The following SEMA4D variants were observed in gnomAD, a reference collection of about 807,000 sequenced individuals.
SEMA4D encodes semaphorin-4D.
A neutral mutation model predicts 74.8 loss-of-function variants in SEMA4D; 22 were observed. That is an observed-to-expected ratio of 0.29 (90% confidence interval 0.21 to 0.42). The LOEUF (loss-of-function observed/expected upper bound fraction) is 0.42. Among genes scored for constraint, SEMA4D ranks in the 10% least tolerant of loss-of-function variants. The probability of loss-of-function intolerance (pLI) is 1.00; values close to 1 mark genes in which losing one functional copy is unlikely to be tolerated. For missense variants in SEMA4D, 937 were observed against 1,118.4 expected (o/e 0.84, Z 2.31); for synonymous variants, 445 against 463.7 (o/e 0.96, Z 0.52).
chr9:89,379,134 A>G lies in SEMA4D; in HGVS notation c.2159T>C (p.Leu720Pro), dbSNP rs1343570672. The change falls in exon 16 of 16, where the codon CTC (leucine) becomes CCC (proline). Residue 720 changes from leucine (L) to proline (P), a missense_variant. Physicochemically the swap from Leu to Pro is moderately conservative, Grantham distance 98. Transcript: ENST00000422704. ...AAGATACATGGTTTTCTCCGAGTGG[A>G]GCTGGGGGACCGTGTTGATGACGAT... The part of the protein sequence containing the change: ...PKIVINTVPQ[L>P]HSEKTMYLKS... The G allele has an allele frequency of 1.9e-6, 3 of 1,614,044 alleles. No individual in the cohort carries two copies. The highest frequency in any genetic ancestry group is 1.7e-5 in the Admixed American group (1 of 60,012).
At chr9:89,413,347 T>C (rs925176569) in intron 2 of SEMA4D, among the ~76,000 whole-genome samples, 4 of 152,094 alleles carry the variant, frequency 2.6e-5, no homozygotes, top group Admixed American at 2.6e-4. Flanking sequence ...CCCCCAGGGG[T>C]CTTCAAATCA....
At chr9:89,446,912 T>G (rs1218271910) in intron 2 of SEMA4D, among the ~76,000 whole-genome samples, 1 of 152,174 alleles carries the variant, frequency 6.6e-6, no homozygotes. Flanking sequence ...CGTGCCCCTG[T>G]GGGATAGGTG....
At chr9:89,398,640 T>C (rs1437342876) in intron 5 of SEMA4D, among the ~76,000 whole-genome samples, 2 of 152,140 alleles carry the variant, frequency 1.3e-5, no homozygotes, top group Non-Finnish European at 2.9e-5. Flanking sequence ...CCACTGTCCA[T>C]GGAGAACAGA....
At chr9:89,461,515 T>A (rs945047160) in intron 1 of SEMA4D, among the ~76,000 whole-genome samples, 18 of 152,082 alleles carry the variant, frequency 1.2e-4, no homozygotes, top group African/African-American at 4.1e-4. Context: ...GAGGCAACGG[T>A]GACTCACTGC....
Position 89,402,907 on chromosome 9 carries a change from A to C in SEMA4D, c.216T>G (p.Ala72=), listed in dbSNP as rs1482392669. 5.0e-6 allele frequency: 8 copies of C among 1,614,016 alleles called. No homozygotes were observed. The African/African-American group carries it at 1.1e-4, about 22-fold the overall frequency. Residue 72 remains alanine (A), a synonymous_variant, in exon 4 of 16, where the codon GCT becomes GCG. Coordinates refer to ENST00000422704, the MANE Select transcript of SEMA4D (RefSeq NM_001371194.2). ...LYIGAREAVF[A]VNALNISEKQ... Reference sequence around the variant, plus strand: ...TCTCGGAGATGTTGAGTGCGTTCACAGCGAAGACCGCCTCCCGGGCACCTA... The same window carrying C: ...TCTCGGAGATGTTGAGTGCGTTCACCGCGAAGACCGCCTCCCGGGCACCTA...
intron 17 of SEMA4D, chr9:89,363,633 C>T: frequency 3.8e-6 from 6 of 1,591,092 alleles, no homozygotes; most frequent in Non-Finnish European, 3.4e-6. Context: ...AACCCAAACC[C>T]AGAATGCCAC....
chr9:89,373,034 T>C (rs766677089), downstream of SEMA4D, among the ~76,000 whole-genome samples: 1 of 152,082 alleles, frequency 6.6e-6, no homozygotes, highest in African/African-American at 2.4e-5. Flanking sequence ...CCCCAGCTCC[T>C]GACACAGGCC....
At chr9:89,470,648 T>C (rs1859938103) in intron 1 of SEMA4D, among the ~76,000 whole-genome samples, 1 of 151,998 alleles carries the variant, frequency 6.6e-6, no homozygotes, top group African/African-American at 2.4e-5. Flanking sequence ...CGCATGTTCA[T>C]AGAAAAGCTC....
At chr9:89,376,876 G>A (rs757698938), downstream of SEMA4D, 24 of 1,550,716 alleles carry the variant, frequency 1.5e-5, no homozygotes, top group African/African-American at 4.1e-5. Flanking sequence ...GGGCGTGCAC[G>A]TGCTGTGCCT....
At chr9:89,370,849 CGTGT>C (rs924316118) in intron 16 of SEMA4D, among the ~76,000 whole-genome samples, 8 of 59,166 alleles carry the variant, frequency 1.4e-4, no homozygotes, top group African/African-American at 3.5e-4. Context: ...GTGTGTCGGG[CGTGT>C]GTGTGTGGGA....
At chr9:89,362,257 GTGGCCCAA>G in exon 19 of SEMA4D, 1 of 1,390,554 alleles carries the variant, frequency 7.2e-7, no homozygotes, top group African/African-American at 1.4e-5. Flanking sequence ...CCATCAGGTG[GTGGCCCAA>G]TGGCTGTGTT....
chr9:89,480,272 G>A (rs1824455688), intron 1 of SEMA4D, among the ~76,000 whole-genome samples: 1 of 152,244 alleles, frequency 6.6e-6, no homozygotes, highest in African/African-American at 2.4e-5. Flanking sequence ...AACACAGGGT[G>A]CTGATTGGTG....
intron 2 of SEMA4D, among the ~76,000 whole-genome samples, chr9:89,431,495 T>C (rs1849268530): frequency 6.6e-6 from 1 of 152,208 alleles, no homozygotes. Context: ...GCAGTTTCCC[T>C]AGATTCTCTT....
At chr9:89,382,632 C>T (rs962630320) in intron 13 of SEMA4D, among the ~76,000 whole-genome samples, 2 of 152,192 alleles carry the variant, frequency 1.3e-5, no homozygotes, top group African/African-American at 2.4e-5. Flanking sequence ...GTGTGAGCCA[C>T]GTTTGTGGGA....
intron 2 of SEMA4D, among the ~76,000 whole-genome samples, chr9:89,453,910 T>A (rs1855272931): frequency 6.8e-6 from 1 of 146,292 alleles, no homozygotes; most frequent in Non-Finnish European, 1.5e-5. Flanking sequence ...CAGGCTGGAG[T>A]GCAGTGGCGC....
intron 1 of SEMA4D, among the ~76,000 whole-genome samples, chr9:89,462,090 G>A (rs997874679): frequency 2.6e-5 from 4 of 152,150 alleles, no homozygotes; most frequent in African/African-American, 9.7e-5. Flanking sequence ...ATTAAACGTG[G>A]TTTGGGTTAA....
intron 2 of SEMA4D, among the ~76,000 whole-genome samples, chr9:89,448,595 A>C (rs1853556769): frequency 6.6e-6 from 1 of 152,230 alleles, no homozygotes; most frequent in African/African-American, 2.4e-5. Context: ...CGATCCACAC[A>C]ACGGCAGCAG....
At chr9:89,482,692 G>C (rs557759983) in intron 1 of SEMA4D, among the ~76,000 whole-genome samples, 22 of 152,284 alleles carry the variant, frequency 1.4e-4, no homozygotes, top group Non-Finnish European at 2.8e-4. Flanking sequence ...TGCTTGAAAA[G>C]GCTTCAGAGT....
intron 2 of SEMA4D, among the ~76,000 whole-genome samples, chr9:89,433,532 G>A (rs1257762788): frequency 6.6e-6 from 1 of 152,234 alleles, no homozygotes; most frequent in East Asian, 1.9e-4. Flanking sequence ...CACGGTATGT[G>A]TCCTAGAGAG....
Sources: gnomAD v4.1 joint callset for allele counts (sites outside exome capture counted in the v4.1 genomes callset) on GRCh38, gnomAD v4.1.1 for gene constraint, MANE v1.5 for transcripts, NCBI Gene and HGNC (gene_info 2026-07-23, HGNC 2026-07-21) for gene names.